KCNMB2: variants seen among roughly 807,000 people sequenced by gnomAD.
KCNMB2 encodes calcium-activated potassium channel subunit beta-2.
A neutral mutation model predicts 24.5 loss-of-function variants in KCNMB2; 9 were observed. That is an observed-to-expected ratio of 0.37 (90% CI 0.22 to 0.64). The LOEUF is 0.64. Ranked by LOEUF, KCNMB2 falls within the 30% of genes least tolerant of loss-of-function variation. The pLI, the probability that KCNMB2 is intolerant of heterozygous loss-of-function variation, is 0.63. For missense variants in KCNMB2, 226 were observed against 284.3 expected, an observed-to-expected ratio of 0.79 and a Z score of 1.47; for synonymous variants, 109 against 104.4, an observed-to-expected ratio of 1.04 and a Z score of -0.27.
At chr3:178,593,182 A>G (rs1717741153) in intron 1 of KCNMB2, among the ~76,000 whole-genome samples, 1 of 152,086 alleles carries the variant, frequency 6.6e-6, no homozygotes, top group East Asian at 1.9e-4. Flanking sequence ...GCTATTATCA[A>G]TTATATGGCA....
chr3:178,588,475 T>C (rs1200334750), intron 1 of KCNMB2, among the ~76,000 whole-genome samples: 4 of 152,164 alleles, frequency 2.6e-5, no homozygotes, highest in African/African-American at 4.8e-5. Flanking sequence ...GTCGTGTCTA[T>C]ATATTCCTCT....
chr3:178,797,816 A>G (rs1217536878), intron 1 of KCNMB2, among the ~76,000 whole-genome samples: 6 of 152,188 alleles, frequency 3.9e-5, no homozygotes, highest in Admixed American at 1.3e-4. Flanking sequence ...TTCCTTGAGC[A>G]GTGGTTTGTA....
rs914912126 is a variant in KCNMB2, at chr3:178,615,683, C to A, written c.-68+78972C>A. 1.6e-4 allele frequency among the ~76,000 whole-genome samples: 25 copies of A among 152,186 alleles called. 2 individuals carry two copies. ...ACCTGTCAGGGCAATGGGCTCCCCG[C>A]TGGCCTAGGGCAGGTCCAGAAATGC... is the stretch of plus-strand genomic sequence containing the variant. On this transcript the variant is annotated intron_variant, in intron 1 of 4. Transcript: ENST00000452583.
At chr3:178,712,151 A>T (rs9290663) in intron 1 of KCNMB2, among the ~76,000 whole-genome samples, 31,453 of 152,150 alleles carry the variant, frequency 0.21, 3,823 homozygotes, top group African/African-American at 0.33. Flanking sequence ...CAGGAGATTA[A>T]TAGTGTACTG....
intron 2 of KCNMB2, among the ~76,000 whole-genome samples, chr3:178,822,343 C>G (rs1714664531): frequency 6.6e-6 from 1 of 152,198 alleles, no homozygotes; most frequent in South Asian, 2.1e-4. Flanking sequence ...AAATTCAACC[C>G]TGGCTCTCTG....
chr3:178,539,701 C>T (rs1364195735), intron 1 of KCNMB2, among the ~76,000 whole-genome samples: 1 of 151,788 alleles, frequency 6.6e-6, no homozygotes, highest in Non-Finnish European at 1.5e-5. Context: ...ACTCAGGTTT[C>T]TGAAAAAAGG....
intron 1 of KCNMB2, among the ~76,000 whole-genome samples, chr3:178,789,794 C>T (rs1713249991): frequency 6.6e-6 from 1 of 152,086 alleles, no homozygotes; most frequent in South Asian, 2.1e-4. Flanking sequence ...AAAAAGTCCT[C>T]TAAGGTCCTA....
At chr3:178,617,745 G>C (rs763955963) in intron 1 of KCNMB2, among the ~76,000 whole-genome samples, 6 of 151,560 alleles carry the variant, frequency 4.0e-5, no homozygotes, top group Non-Finnish European at 8.8e-5. Context: ...AAAAAAATTA[G>C]CTGAGTGTGG....
intron 4 of KCNMB2, among the ~76,000 whole-genome samples, chr3:178,840,352 A>T (rs988961953): frequency 6.6e-6 from 1 of 152,138 alleles, no homozygotes; most frequent in Non-Finnish European, 1.5e-5. Context: ...TTTTCTAGGC[A>T]CACAGTGCAA....
rs538884387 is a variant in KCNMB2 at position 178,540,751 on chromosome 3, C to T, written c.-68+4040C>T. Among the ~76,000 whole-genome samples the T allele has an allele frequency of 2.0e-5, 3 of 152,294 alleles. No individual in the cohort carries two copies. In the East Asian group the frequency reaches 5.8e-4, roughly 29 times the overall value. Reference sequence around the variant, plus strand: ...ACTTCCCTGAAAACACCTTTCAAATCACACCCCTTTGTACACTTCTTATTC... The same window carrying T: ...ACTTCCCTGAAAACACCTTTCAAATTACACCCCTTTGTACACTTCTTATTC... On this transcript the variant is annotated intron_variant, in intron 1 of 4. Transcript: ENST00000452583.
chr3:178,630,587 T>C (rs1719283909), intron 1 of KCNMB2, among the ~76,000 whole-genome samples: 1 of 152,260 alleles, frequency 6.6e-6, no homozygotes, highest in South Asian at 2.1e-4. Context: ...TGCCAGTTTC[T>C]GGTTTTTATA....
intron 1 of KCNMB2, among the ~76,000 whole-genome samples, chr3:178,781,143 T>A (rs768981149): frequency 6.6e-6 from 1 of 152,080 alleles, no homozygotes; most frequent in Non-Finnish European, 1.5e-5. Flanking sequence ...ATTATTAGAA[T>A]TAATTTTTCC....
chr3:178,806,408 T>C (rs547201329), intron 1 of KCNMB2, among the ~76,000 whole-genome samples: 3 of 152,322 alleles, frequency 2.0e-5, no homozygotes, highest in Admixed American at 1.3e-4. Context: ...ATATGGTATA[T>C]AGTAGCTAAT....
At chr3:178,750,881 G>A (rs1206026478) in intron 1 of KCNMB2, among the ~76,000 whole-genome samples, 1 of 152,178 alleles carries the variant, frequency 6.6e-6, no homozygotes, top group Non-Finnish European at 1.5e-5. Flanking sequence ...CCTGCTTCAT[G>A]TAATGCTCAT....
At chr3:178,740,052 T>G (rs760691712) in intron 1 of KCNMB2, among the ~76,000 whole-genome samples, 5 of 152,196 alleles carry the variant, frequency 3.3e-5, no homozygotes, top group Non-Finnish European at 5.9e-5. Flanking sequence ...ATGTAAAATT[T>G]TTTTGATTTG....
At chr3:178,648,098 G>A (rs1024732926) in intron 1 of KCNMB2, among the ~76,000 whole-genome samples, 1 of 151,762 alleles carries the variant, frequency 6.6e-6, no homozygotes, top group Non-Finnish European at 1.5e-5. Flanking sequence ...TTTTCCCTTT[G>A]TTCCTTACCA....
chr3:178,697,353 T>A (rs180672816), intron 1 of KCNMB2, among the ~76,000 whole-genome samples: 6 of 152,252 alleles, frequency 3.9e-5, no homozygotes, highest in African/African-American at 1.4e-4. Flanking sequence ...TTTACCATTA[T>A]GTAATGCCCT....
rs551412948 is a variant in KCNMB2, at chr3:178,801,427, C to T, written c.-67-5916C>T. Among the ~76,000 whole-genome samples the T allele has an allele frequency of 1.9e-4, 29 of 152,306 alleles. No homozygotes were observed. In the South Asian group the frequency reaches 6.0e-3, roughly 32 times the overall value. On this transcript the variant is annotated intron_variant, in intron 1 of 4. Coordinates refer to ENST00000452583, the MANE Select transcript of KCNMB2 (RefSeq NM_181361.3). ...CAAAAGACAATAGTGTTCTGCAATG[C>T]ACTCTTCTTTTCCTCTACAACTGGG...
chr3:178,717,688 C>G (rs1246083278), intron 1 of KCNMB2, among the ~76,000 whole-genome samples: 2 of 152,106 alleles, frequency 1.3e-5, no homozygotes, highest in Non-Finnish European at 2.9e-5. Flanking sequence ...CTTACAAAGT[C>G]AACATTATCA....
Sources: gnomAD v4.1 joint callset for allele counts (sites outside exome capture counted in the v4.1 genomes callset) on GRCh38, gnomAD v4.1.1 for gene constraint, MANE v1.5 for transcripts, NCBI Gene and HGNC (gene_info 2026-07-23, HGNC 2026-07-21) for gene names.